Variants in DENND1A observed in about 807,000 individuals in gnomAD.
The protein encoded by DENND1A is DENN domain containing 1A, also known as DENN domain-containing protein 1A.
In DENND1A, 51 loss-of-function variants were observed where a neutral mutation model predicts 113.7. The ratio of observed to expected loss-of-function variants is 0.45; its 90% confidence interval spans 0.36 to 0.57. DENND1A has a LOEUF of 0.57. Among genes scored for constraint, DENND1A ranks in the 20% least tolerant of loss-of-function variants. DENND1A has a pLI of 0.00. For missense variants in DENND1A, 1,258 were observed against 1,395.9 expected (o/e 0.90, Z 1.57); for synonymous variants, 565 against 570.8 (o/e 0.99, Z 0.14).
intron 5 of DENND1A, among the ~76,000 whole-genome samples, chr9:123,702,109 A>G (rs1156319316): frequency 6.6e-6 from 1 of 152,254 alleles, no homozygotes; most frequent in African/African-American, 2.4e-5. Flanking sequence ...AGCCTAAAAT[A>G]ATTTTTAAAA....
At chr9:123,794,711 G>A (rs1833515210) in intron 2 of DENND1A, among the ~76,000 whole-genome samples, 1 of 152,092 alleles carries the variant, frequency 6.6e-6, no homozygotes, top group Admixed American at 6.5e-5. Flanking sequence ...GGTGGCAGAT[G>A]CTTCTTAAAT....
At chr9:123,454,199 G>A (rs1388129604) in intron 16 of DENND1A, among the ~76,000 whole-genome samples, 2 of 152,188 alleles carry the variant, frequency 1.3e-5, no homozygotes, top group Non-Finnish European at 2.9e-5. Flanking sequence ...AGGGTGCCTG[G>A]CACACAGTAG....
intron 1 of DENND1A, among the ~76,000 whole-genome samples, chr9:123,904,499 T>A (rs532748366): frequency 7.1e-6 from 1 of 141,728 alleles, no homozygotes; most frequent in Non-Finnish European, 1.5e-5. Flanking sequence ...ATAACTAGAA[T>A]AACCAATACA....
rs1268807662 is a variant in DENND1A at position 123,559,953 on chromosome 9, C to T, written c.868-2258G>A. Among the ~76,000 whole-genome samples, 6 of 152,212 alleles carry T rather than the reference C, an allele frequency of 3.9e-5. No individual in the cohort carries two copies. The East Asian group carries it at 1.2e-3, about 29-fold the overall frequency. ...TTAACAATAGGTAGTCTTTTGCCAT[C>T]AGATTATTTCCCTTAGCACAGTGCT... On this transcript the variant is annotated intron_variant, in intron 12 of 23. Transcript: ENST00000394215.
At chr9:123,753,527 G>A (rs898261359) in intron 5 of DENND1A, among the ~76,000 whole-genome samples, 1 of 152,214 alleles carries the variant, frequency 6.6e-6, no homozygotes, top group Non-Finnish European at 1.5e-5. Flanking sequence ...GTTTGGTAAT[G>A]TGAACTACAC....
intron 11 of DENND1A, among the ~76,000 whole-genome samples, chr9:123,600,906 C>G (rs2059911113): frequency 1.3e-5 from 2 of 152,080 alleles, no homozygotes; most frequent in African/African-American, 4.8e-5. Context: ...CCATATGACT[C>G]CAGTGCCCAC....
chr9:123,452,620 C>T (rs1418382837), intron 16 of DENND1A, among the ~76,000 whole-genome samples: 1 of 152,056 alleles, frequency 6.6e-6, no homozygotes, highest in Non-Finnish European at 1.5e-5. Context: ...TGCTTGGCAC[C>T]TGTTCCCTGG....
chr9:123,497,294 G>A (rs920598254), intron 13 of DENND1A, among the ~76,000 whole-genome samples: 1 of 152,198 alleles, frequency 6.6e-6, no homozygotes, highest in Non-Finnish European at 1.5e-5. Context: ...GACAGAGCAC[G>A]AACAATTGTA....
At chr9:123,406,959 TAA>T (rs763960687) in intron 20 of DENND1A, among the ~76,000 whole-genome samples, 3 of 152,114 alleles carry the variant, frequency 2.0e-5, no homozygotes, top group Admixed American at 6.5e-5. Flanking sequence ...ATGGGGGGAT[TAA>T]GTTTGTGGCA....
chr9:123,534,376 T>C (rs1242768307), intron 13 of DENND1A, among the ~76,000 whole-genome samples: 1 of 152,242 alleles, frequency 6.6e-6, no homozygotes, highest in African/African-American at 2.4e-5. Flanking sequence ...TGTTGTTGTT[T>C]ATAGCTTAAA....
At chr9:123,658,954 G>A (rs1488411041) in intron 8 of DENND1A, among the ~76,000 whole-genome samples, 1 of 152,180 alleles carries the variant, frequency 6.6e-6, no homozygotes, top group African/African-American at 2.4e-5. Context: ...CATACCCACT[G>A]AAGGGTGAAT....
At chr9:123,817,825 G>A (rs1837747905) in intron 2 of DENND1A, among the ~76,000 whole-genome samples, 1 of 151,994 alleles carries the variant, frequency 6.6e-6, no homozygotes, top group African/African-American at 2.4e-5. Context: ...TCAGGAATTC[G>A]AGACCAGCCT....
chr9:123,756,265 G>A (rs1460346126), intron 5 of DENND1A, among the ~76,000 whole-genome samples: 1 of 152,062 alleles, frequency 6.6e-6, no homozygotes, highest in Non-Finnish European at 1.5e-5. Context: ...ACTGTGTGAG[G>A]GTACCAGTAC....
chr9:123,402,582 T>C (rs750541884), intron 21 of DENND1A: 1 of 534,828 alleles, frequency 1.9e-6, no homozygotes, highest in Non-Finnish European at 3.8e-6. Context: ...CCAACAATCC[T>C]AGACCAAGAC....
chr9:123,429,617 G>C (rs2045989398), intron 19 of DENND1A, among the ~76,000 whole-genome samples: 1 of 152,130 alleles, frequency 6.6e-6, no homozygotes. Flanking sequence ...TTAACAAATG[G>C]TGCTGGGAGA....
At chr9:123,808,186 A>G (rs1183712405) in intron 2 of DENND1A, among the ~76,000 whole-genome samples, 1 of 152,092 alleles carries the variant, frequency 6.6e-6, no homozygotes, top group African/African-American at 2.4e-5. Flanking sequence ...AGATCATGCC[A>G]TTGTACCCCA....
intron 13 of DENND1A, among the ~76,000 whole-genome samples, chr9:123,511,058 G>A (rs867656411): frequency 2.6e-5 from 4 of 152,174 alleles, no homozygotes; most frequent in African/African-American, 7.2e-5. Context: ...CTGTGCAGAG[G>A]CCAGCTACAT....
At chr9:123,718,436 C>T (rs1353558502) in intron 5 of DENND1A, among the ~76,000 whole-genome samples, 1 of 152,162 alleles carries the variant, frequency 6.6e-6, no homozygotes, top group African/African-American at 2.4e-5. Context: ...CCTAGCTTTG[C>T]CCAGATGGTA....
intron 2 of DENND1A, among the ~76,000 whole-genome samples, chr9:123,794,207 G>A (rs747860166): frequency 2.0e-5 from 3 of 152,146 alleles, no homozygotes; most frequent in Non-Finnish European, 4.4e-5. Context: ...AGAAGAATTC[G>A]CCAGCAGGAG....
Sources: allele counts gnomAD v4.1 joint callset (sites outside exome capture counted in the v4.1 genomes callset), GRCh38; gene constraint gnomAD v4.1.1; transcripts MANE v1.5; gene names NCBI Gene and HGNC (gene_info 2026-07-23, HGNC 2026-07-21).